The following IGSF5 variants were observed in gnomAD, a reference collection of about 807,000 sequenced individuals.
IGSF5 encodes the protein immunoglobulin superfamily member 5, also known as immunoglobulin superfamily 5 like.
Under a neutral mutation model 39.4 loss-of-function variants are expected in IGSF5, and 41 were observed. The ratio of observed to expected loss-of-function variants is 1.04; its 90% CI spans 0.81 to 1.35. The LOEUF (loss-of-function observed/expected upper bound fraction) is 1.35. Ranked by LOEUF, IGSF5 falls within the 40% of genes most tolerant of loss-of-function variation. The pLI is 0.00. For missense variants in IGSF5, 487 were observed against 494.6 expected, an observed-to-expected ratio of 0.98 and a Z score of 0.15; for synonymous variants, 183 against 175.3, an observed-to-expected ratio of 1.04 and a Z score of -0.34.
the IGSF5 span, chr21:39,725,803 T>C: frequency 1.3e-5 from 2 of 152,110 alleles, no homozygotes; most frequent in Non-Finnish European, 2.9e-5. Context: ...GCCTAATTAA[T>C]TGTGTGCAAT....
At chr21:39,758,644 ACTC>A (rs2080045224) in intron 2 of IGSF5, among the ~76,000 whole-genome samples, 1 of 151,962 alleles carries the variant, frequency 6.6e-6, no homozygotes, top group African/African-American at 2.4e-5. Flanking sequence ...GCTGGAGTGA[ACTC>A]CTGTGTGTGC....
intron 5 of IGSF5, among the ~76,000 whole-genome samples, chr21:39,785,027 C>G (rs456685): frequency 0.33 from 47,917 of 143,312 alleles, 8,893 homozygotes; most frequent in Non-Finnish European, 0.45. Flanking sequence ...AGAAATACAA[C>G]ATTGTTCCCT....
the IGSF5 span, among the ~76,000 whole-genome samples, chr21:39,722,179 G>A: frequency 6.6e-5 from 10 of 152,220 alleles, no homozygotes; most frequent in Non-Finnish European, 1.3e-4. Context: ...AGGGAAGCTA[G>A]TGAAAGAAGC....
chr21:39,745,081 T>TCTTTC (rs1390997887), upstream of IGSF5, among the ~76,000 whole-genome samples: 1 of 152,188 alleles, frequency 6.6e-6, no homozygotes, highest in Non-Finnish European at 1.5e-5. Context: ...CTATTTCTTT[T>TCTTTC]TCTTTCTTTT....
chr21:39,779,438 G>C, intron 5 of IGSF5, 133 bp downstream of exon 5: 2 of 1,160,320 alleles, frequency 1.7e-6, no homozygotes, highest in Non-Finnish European at 2.4e-6. Context: ...TAGAAACTGT[G>C]GTTGCACACT....
At chr21:39,777,955 G>A (rs2080149293) in intron 4 of IGSF5, among the ~76,000 whole-genome samples, 1 of 152,212 alleles carries the variant, frequency 6.6e-6, no homozygotes, top group African/African-American at 2.4e-5. Flanking sequence ...TTCCTTCATA[G>A]GAAGTCTACT....
chr21:39,788,203 A>C lies in IGSF5; in HGVS notation c.956+15A>C, dbSNP rs373076256. ...CAATTTCAAAAGTAAGTTTGAAACC[A>C]CATCTATTTTCTGAAAACAAAACAA... On this transcript the variant is annotated intron_variant, in intron 6 of 8. Transcript: ENST00000380588. The C allele has an allele frequency of 6.4e-7, 1 of 1,574,232 alleles. No individual in the cohort carries two copies. The highest frequency in any genetic ancestry group is 8.7e-7 in the Non-Finnish European group (1 of 1,148,054).
chr21:39,767,018 G>A (rs1365424454), intron 3 of IGSF5, among the ~76,000 whole-genome samples: 1 of 151,978 alleles, frequency 6.6e-6, no homozygotes, highest in Non-Finnish European at 1.5e-5. Flanking sequence ...TCTTACTTTT[G>A]TGTGTTTTTA....
At chr21:39,751,796 C>G (rs2080007088) in intron 2 of IGSF5, among the ~76,000 whole-genome samples, 1 of 152,150 alleles carries the variant, frequency 6.6e-6, no homozygotes, top group Non-Finnish European at 1.5e-5. Flanking sequence ...CTTGTAAATG[C>G]CTTTTCCACC....
Position 39,785,521 on chromosome 21 carries a change from G to A in IGSF5, c.935-2646G>A, listed in dbSNP as rs201349729. ...CTCCACCTTTGTTCTTTTGGCTTAGGATTGATTTGGCGATGTGGGCTCTTT... is the reference window on the plus strand; with the variant it reads ...CTCCACCTTTGTTCTTTTGGCTTAGAATTGATTTGGCGATGTGGGCTCTTT... On this transcript the variant is annotated intron_variant, in intron 5 of 8. Transcript: ENST00000380588. Among the ~76,000 whole-genome samples the A allele has an allele frequency of 2.6e-5, 4 of 152,278 alleles. No individual in the cohort carries two copies. In the East Asian group the frequency reaches 7.7e-4, roughly 29 times the overall value.
At chr21:39,785,611 G>T (rs2080196655) in intron 5 of IGSF5, among the ~76,000 whole-genome samples, 1 of 152,150 alleles carries the variant, frequency 6.6e-6, no homozygotes, top group Admixed American at 6.5e-5. Context: ...TTGGTAGCTT[G>T]ATGGGGATGG....
At chr21:39,744,141 G>C (rs975586857), upstream of IGSF5, among the ~76,000 whole-genome samples, 6 of 152,122 alleles carry the variant, frequency 3.9e-5, no homozygotes, top group African/African-American at 1.4e-4. Flanking sequence ...TAGCAGTCCT[G>C]CACCTGTTTT....
At chr21:39,766,252 G>T (rs2146280249) in intron 3 of IGSF5, among the ~76,000 whole-genome samples, 1 of 152,042 alleles carries the variant, frequency 6.6e-6, no homozygotes, top group Non-Finnish European at 1.5e-5. Flanking sequence ...TTCTGGTTAA[G>T]ACTGATAGAG....
rs200738861 is a variant in IGSF5 at position 39,788,132 on chromosome 21, C to T, written c.935-35C>T. 320 of 1,545,180 alleles carry T rather than the reference C, an allele frequency of 2.1e-4. 5 individuals are homozygous for T. In the South Asian group the frequency reaches 2.8e-3, roughly 14 times the overall value. ...GACTCGATTTTTAGAATAAGTATCC[C>T]GATTTTTCCAATGTAATTTTGTTCT... On this transcript the variant is annotated intron_variant, in intron 5 of 8. Transcript: ENST00000380588.
the IGSF5 span, among the ~76,000 whole-genome samples, chr21:39,739,132 A>G: frequency 1.3e-5 from 2 of 151,722 alleles, no homozygotes; most frequent in South Asian, 4.2e-4. Flanking sequence ...GTTTTGCCAT[A>G]TTGGTCAGGC....
chr21:39,743,844 A>C (rs1309642075), upstream of IGSF5, among the ~76,000 whole-genome samples: 1 of 152,206 alleles, frequency 6.6e-6, no homozygotes, highest in Non-Finnish European at 1.5e-5. Context: ...TTCCCCTTGA[A>C]GAGAATATCA....
intron 8 of IGSF5, among the ~76,000 whole-genome samples, chr21:39,795,721 C>T (rs1363771676): frequency 6.6e-6 from 1 of 151,818 alleles, no homozygotes; most frequent in Non-Finnish European, 1.5e-5. Context: ...GCTAAATAAT[C>T]AATCGGTGGA....
chr21:39,791,036 T>C (rs1352828286), intron 6 of IGSF5, among the ~76,000 whole-genome samples: 3 of 152,220 alleles, frequency 2.0e-5, no homozygotes, highest in African/African-American at 4.8e-5. Context: ...AATTTTGGTA[T>C]CTGCAGGGGT....
chr21:39,801,112 A>C lies in IGSF5; in HGVS notation c.1129-150A>C, dbSNP rs143892621. On this transcript the variant is annotated intron_variant, in intron 8 of 8. Coordinates refer to ENST00000380588, the MANE Select transcript of IGSF5 (RefSeq NM_001080444.2). ...TTCTATATTGTGTGTTACCAGAAAT[A>C]ATGCAAGAAAGGAAGAGCTTATTTT... 1.0e-3 allele frequency: 613 copies of C among 615,802 alleles called. 3 individuals carry two copies. The African/African-American group carries it at 0.01, about 10-fold the overall frequency. 38.1% of individuals were successfully genotyped at this position (615,802 alleles called of 1,614,324 possible).
Sources: gnomAD v4.1 joint callset for allele counts (sites outside exome capture counted in the v4.1 genomes callset) on GRCh38, gnomAD v4.1.1 for gene constraint, MANE v1.5 for transcripts, NCBI Gene and HGNC (gene_info 2026-07-23, HGNC 2026-07-21) for gene names.